The following ZDHHC8 variants were observed in gnomAD, a reference collection of about 807,000 sequenced individuals.
ZDHHC8 encodes the protein palmitoyltransferase ZDHHC8.
A neutral mutation model predicts 61.2 loss-of-function variants in ZDHHC8; 24 were observed. The ratio of observed to expected loss-of-function variants is 0.39; its 90% CI spans 0.28 to 0.55. The LOEUF is 0.55. Among genes scored for constraint, ZDHHC8 ranks in the 20% least tolerant of loss-of-function variants. ZDHHC8 has a pLI of 0.60. For missense variants in ZDHHC8, 935 were observed against 1,102.1 expected (o/e 0.85, Z 2.15); for synonymous variants, 523 against 492.5 (o/e 1.06, Z -0.82).
In ZDHHC8 at chr22:20,140,961, C is replaced by T. The variant is rs367893146; in HGVS notation, c.843C>T (p.Leu281=). 6 of 1,610,774 alleles carry T rather than the reference C, an allele frequency of 3.7e-6. No individual in the cohort carries two copies. The highest frequency in any genetic ancestry group is 5.1e-6 in the Non-Finnish European group (6 of 1,179,998). ...AACTCCTGGACCGAGCTGCACCGCTCAAGGTCAAGCTTAGTGACAACGGGC... is the reference window on the plus strand; with the variant it reads ...AACTCCTGGACCGAGCTGCACCGCTTAAGGTCAAGCTTAGTGACAACGGGC... ...RPELLDRAAP[L]KVKLSDNGLK... The change falls in exon 7 of 11, where the codon CTC becomes CTT. Residue 281 remains leucine (L), a synonymous_variant. Transcript: ENST00000334554.
chr22:20,145,930 A>C lies in ZDHHC8; in HGVS notation c.*530A>C. On this transcript the variant is annotated 3_prime_UTR_variant, in exon 11 of 11. Coordinates refer to ENST00000334554, the MANE Select transcript of ZDHHC8 (RefSeq NM_013373.4). The stretch of plus-strand genomic sequence containing the variant: ...CCCGCTGGAAGCTTGTAGCTTGGCA[A>C]GGCTGATGCTTCTGCCCTGGCCTGC... The C allele has an allele frequency of 1.0e-6, 1 of 985,756 alleles. No homozygotes were observed. The highest frequency in any genetic ancestry group is 4.7e-5 in the South Asian group (1 of 21,298). The allele number at this position is 985,756 out of a possible 1,614,324, so 61.1% of individuals were successfully genotyped here. A position where few individuals can be genotyped will look rare whatever the true frequency, so the allele number is the denominator to read the frequency against.
rs2050466825 is a variant in ZDHHC8 at position 20,141,240 on chromosome 22, G to A, written c.918G>A (p.Leu306=). The A allele has an allele frequency of 1.2e-6, 2 of 1,612,088 alleles. No individual in the cohort carries two copies. Among genetic ancestry groups the A allele is most frequent in the Non-Finnish European group, 1.7e-6 (2 of 1,179,778 alleles). Residue 306 remains leucine, a synonymous_variant, in exon 8 of 11, where the codon CTG becomes CTA. Transcript: ENST00000334554. ...AGTCCAAGGGCAGCCTGGACCGGCT[G>A]GATGAGAAGCCACTGGACTTGGGGC... ...RSKSKGSLDR[L]DEKPLDLGPP...
In ZDHHC8 at chr22:20,145,907, C is replaced by T. The variant is rs1235728681; in HGVS notation, c.*507C>T. On this transcript the variant is annotated 3_prime_UTR_variant, in exon 11 of 11. Coordinates refer to ENST00000334554, the MANE Select transcript of ZDHHC8 (RefSeq NM_013373.4). ...CTAACGCGTTGCCTTTCACGGACCC[C>T]GCTGGAAGCTTGTAGCTTGGCAAGG... 42 of 985,736 alleles carry T rather than the reference C, an allele frequency of 4.3e-5. No homozygotes were observed. Among genetic ancestry groups the T allele is most frequent in the Admixed American group, 2.5e-4 (4 of 16,274 alleles). The allele number at this position is 985,736 out of a possible 1,614,324, so 61.1% of individuals were successfully genotyped here. A position where few individuals can be genotyped will look rare whatever the true frequency, so the allele number is the denominator to read the frequency against.
rs372025203 is a variant in ZDHHC8 at position 20,142,899 on chromosome 22, T to C, written c.1269T>C (p.Ser423=). The C allele has an allele frequency of 2.5e-6, 4 of 1,611,026 alleles. No homozygotes were observed. The highest frequency in any genetic ancestry group is 3.4e-6 in the Non-Finnish European group (4 of 1,179,218). The change falls in exon 10 of 11, where the codon TCT becomes TCC. Residue 423 remains serine, a synonymous_variant. Transcript: ENST00000334554. ...AYPPSPPLSA[S]DAFSGALRSL... The stretch of plus-strand genomic sequence containing the variant: ...CGCCATCCCCACCGCTCAGCGCCTC[T>C]GATGCCTTCTCGGGCGCTTTGCGCT...
rs1229702306 is a variant in ZDHHC8, at chr22:20,146,355, GAGTA to G, written c.*958_*961del. ...GCTTCCCTTGGTGTCAGGGACCTGA[GAGTA>G]AGCACATGACAGCGTCTGCTTGCGT... On this transcript the variant is annotated 3_prime_UTR_variant, in exon 11 of 11. Coordinates refer to ENST00000334554, the MANE Select transcript of ZDHHC8 (RefSeq NM_013373.4). 2.0e-6 allele frequency: 2 copies of G among 985,554 alleles called. No homozygotes were observed. Among genetic ancestry groups the G allele is most frequent in the African/African-American group, 1.7e-5 (1 of 57,246 alleles). The allele number at this position is 985,554 out of a possible 1,614,324, so 61.1% of individuals were successfully genotyped here.
Position 20,141,003 on chromosome 22 carries a change from C to T in ZDHHC8, c.885C>T (p.Gly295=), listed in dbSNP as rs1227242101. ...ACAACGGGCTGAAGGCTGGCCTGGG[C>T]CGTAGCAAGGTGGGCGCCTGGGCTT... ...LSDNGLKAGL[G]RSKSKGSLDR... The change falls in exon 7 of 11, where the codon GGC becomes GGT. Residue 295 remains glycine, a synonymous_variant. Transcript: ENST00000334554. 1.6e-5 allele frequency: 25 copies of T among 1,610,996 alleles called. 1 individual carries two copies. The South Asian group carries it at 2.6e-4, about 17-fold the overall frequency.
At chr22:20,145,116 C>T (rs1432734853) in intron 10 of ZDHHC8, 113 bp from the exon 11 acceptor site, 20 of 1,038,808 alleles carry the variant, frequency 1.9e-5, no homozygotes, top group East Asian at 2.9e-5. Flanking sequence ...CCCCACAACT[C>T]GGCTGCACTA....
At position 20,147,268 on chromosome 22, in the gene ZDHHC8, G is replaced by C; in HGVS notation, c.*1868G>C. The C allele has an allele frequency of 7.1e-7, 1 of 1,408,078 alleles. No homozygotes were observed. The highest frequency in any genetic ancestry group is 9.3e-7 in the Non-Finnish European group (1 of 1,079,906). 87.2% of individuals were successfully genotyped at this position (1,408,078 alleles called of 1,614,324 possible). A position where few individuals can be genotyped will look rare whatever the true frequency, so the allele number is the denominator to read the frequency against. On this transcript the variant is annotated 3_prime_UTR_variant, in exon 11 of 11. Coordinates refer to ENST00000334554, the MANE Select transcript of ZDHHC8 (RefSeq NM_013373.4). ...GTAGGCGGCTCTGGGGCCCAGGACA[G>C]CCCAGCTGGGGACCCAGGAGGTCAG...
Position 20,147,277 on chromosome 22 carries a change from G to T in ZDHHC8, c.*1877G>T. On this transcript the variant is annotated 3_prime_UTR_variant, in exon 11 of 11. Coordinates refer to ENST00000334554, the MANE Select transcript of ZDHHC8 (RefSeq NM_013373.4). ...TCTGGGGCCCAGGACAGCCCAGCTG[G>T]GGACCCAGGAGGTCAGACTGCAGTG... The T allele has an allele frequency of 7.1e-7, 1 of 1,401,816 alleles. No homozygotes were observed. The highest frequency in any genetic ancestry group is 1.6e-5 in the South Asian group (1 of 62,378). 86.8% of individuals were successfully genotyped at this position (1,401,816 alleles called of 1,614,324 possible).
rs1399480259 is a variant in ZDHHC8 at position 20,145,674 on chromosome 22, G to A, written c.*274G>A. On this transcript the variant is annotated 3_prime_UTR_variant, in exon 11 of 11. Coordinates refer to ENST00000334554, the MANE Select transcript of ZDHHC8 (RefSeq NM_013373.4). ...GTCCCATGGCTGGGGCAGTGAGGGGGCCCAGTCAGCCTCTTTGGGGCACCC... is the reference window on the plus strand; with the variant it reads ...GTCCCATGGCTGGGGCAGTGAGGGGACCCAGTCAGCCTCTTTGGGGCACCC... 2.8e-6 allele frequency: 3 copies of A among 1,090,092 alleles called. No homozygotes were observed. In the East Asian group the frequency reaches 1.7e-4, roughly 62 times the overall value. 67.5% of individuals were successfully genotyped at this position (1,090,092 alleles called of 1,614,324 possible).
In ZDHHC8 at chr22:20,139,540, C is replaced by T. The variant is rs2050449145; in HGVS notation, c.289C>T (p.Arg97Ter). ...RAPLYKNVDV[R>*]GIQVRMKWCA... Reference sequence around the variant, plus strand: ...TCCGCTGTACAAGAACGTGGATGTGCGAGGTATCCAGGTCCGCATGAAGTG... The same window carrying T: ...TCCGCTGTACAAGAACGTGGATGTGTGAGGTATCCAGGTCCGCATGAAGTG... The change falls in exon 3 of 11, where the codon CGA (arginine) becomes TGA (stop). Residue 97 changes from arginine to a stop codon, truncating the protein, a stop_gained. Transcript: ENST00000334554. LOFTEE classifies it high-confidence loss of function. The T allele has an allele frequency of 2.5e-6, 4 of 1,613,370 alleles. No individual in the cohort carries two copies. The highest frequency in any genetic ancestry group is 1.7e-5 in the Admixed American group (1 of 59,996).
rs1257915355 is a variant in ZDHHC8, at chr22:20,145,986, G to A, written c.*586G>A. The A allele has an allele frequency of 1.0e-6, 1 of 985,850 alleles. No homozygotes were observed. The highest frequency in any genetic ancestry group is 1.2e-6 in the Non-Finnish European group (1 of 830,060). 61.1% of individuals were successfully genotyped at this position (985,850 alleles called of 1,614,324 possible). ...GTGGTGGTGGATAGGTGGACAGACG[G>A]CCAGCCAGCCAGCTGTGGCCGGGGG... On this transcript the variant is annotated 3_prime_UTR_variant, in exon 11 of 11. Coordinates refer to ENST00000334554, the MANE Select transcript of ZDHHC8 (RefSeq NM_013373.4).
In ZDHHC8 at chr22:20,145,975, G is replaced by A; in HGVS notation, c.*575G>A. 2 of 985,830 alleles carry A rather than the reference G, an allele frequency of 2.0e-6. No individual in the cohort carries two copies. Among genetic ancestry groups the A allele is most frequent in the Non-Finnish European group, 2.4e-6 (2 of 830,050 alleles). The allele number at this position is 985,830 out of a possible 1,614,324, so 61.1% of individuals were successfully genotyped here. ...GCCTGCTCTGGGTGGTGGTGGATAG[G>A]TGGACAGACGGCCAGCCAGCCAGCT... On this transcript the variant is annotated 3_prime_UTR_variant, in exon 11 of 11. Transcript: ENST00000334554.
intron 9 of ZDHHC8, among the ~76,000 whole-genome samples, chr22:20,141,978 A>G (rs1247608024): frequency 6.6e-6 from 1 of 152,224 alleles, no homozygotes; most frequent in African/African-American, 2.4e-5. Flanking sequence ...CCTGAGTTGC[A>G]TGAGTGCTCT....
rs561275290 is a variant in ZDHHC8 at position 20,136,734 on chromosome 22, T to C, written c.105-2460T>C. On this transcript the variant is annotated intron_variant, in intron 1 of 10. Coordinates refer to ENST00000334554, the MANE Select transcript of ZDHHC8 (RefSeq NM_013373.4). The stretch of plus-strand genomic sequence containing the variant: ...TGTTCATGCATGTATATGTGTTTTG[T>C]ATGCAGACATGATTGCATGTGTGCA... Among the ~76,000 whole-genome samples the C allele has an allele frequency of 5.9e-5, 9 of 152,364 alleles. No individual in the cohort carries two copies. In the South Asian group the frequency reaches 1.9e-3, roughly 32 times the overall value.
At chr22:20,139,656 C>T (rs754636323) in intron 3 of ZDHHC8, 21 bp downstream of exon 3, 28 of 1,611,312 alleles carry the variant, frequency 1.7e-5, no homozygotes, top group Admixed American at 1.0e-4. Flanking sequence ...TGCTGCCCCG[C>T]GCTCCCCCAG....
At position 20,146,332 on chromosome 22, in the gene ZDHHC8, T is replaced by C. The variant is rs2050523260; in HGVS notation, c.*932T>C. 1.0e-6 allele frequency: 1 copy of C among 985,684 alleles called. No individual in the cohort carries two copies. The highest frequency in any genetic ancestry group is 4.7e-5 in the South Asian group (1 of 21,290). 61.1% of individuals were successfully genotyped at this position (985,684 alleles called of 1,614,324 possible). ...AAGCACACTGGGGAGGGGTCAGTGC[T>C]TCCCTTGGTGTCAGGGACCTGAGAG... On this transcript the variant is annotated 3_prime_UTR_variant, in exon 11 of 11. Coordinates refer to ENST00000334554, the MANE Select transcript of ZDHHC8 (RefSeq NM_013373.4).
chr22:20,141,220 A>G lies in ZDHHC8; in HGVS notation c.898A>G (p.Lys300Glu). The G allele has an allele frequency of 6.2e-7, 1 of 1,611,262 alleles. No individual in the cohort carries two copies. The highest frequency in any genetic ancestry group is 8.5e-7 in the Non-Finnish European group (1 of 1,179,366). ...CACTGACCCCGCTCCCTCCCAGTCCAAGGGCAGCCTGGACCGGCTGGATGA... is the reference window on the plus strand; with the variant it reads ...CACTGACCCCGCTCCCTCCCAGTCCGAGGGCAGCCTGGACCGGCTGGATGA... Reference protein sequence around the residue: ...LKAGLGRSKSKGSLDRLDEKP... With the variant: ...LKAGLGRSKSEGSLDRLDEKP... Residue 300 changes from lysine (K) to glutamate (E), a missense_variant, in exon 8 of 11, where the codon AAG (lysine) becomes GAG (glutamate). By Grantham distance (56) the Lys-to-Glu change is moderately conservative (BLOSUM62 1). Around this residue, in one of 3 missense-constraint regions of ZDHHC8, gnomAD observed 692 missense variants for 731.4 expected, o/e 0.95. Coordinates refer to ENST00000334554, the MANE Select transcript of ZDHHC8 (RefSeq NM_013373.4).
chr22:20,133,760 C>G (rs933553041), intron 1 of ZDHHC8, among the ~76,000 whole-genome samples: 5 of 149,764 alleles, frequency 3.3e-5, no homozygotes, highest in African/African-American at 1.2e-4. Context: ...TTATGGGGAA[C>G]TTGTGAAATA....
Sources: gnomAD v4.1 joint callset for allele counts (sites outside exome capture counted in the v4.1 genomes callset) on GRCh38, gnomAD v4.1.1 for gene constraint, gnomAD v4.1.1 regional missense constraint, MANE v1.5 for transcripts, NCBI Gene and HGNC (gene_info 2026-07-23, HGNC 2026-07-21) for gene names.